The following ZNF577 variants were observed in gnomAD, a reference collection of about 807,000 sequenced individuals.
ZNF577 encodes the protein zinc finger protein 577.
In ZNF577, 14 loss-of-function variants were observed where a neutral mutation model predicts 13.9. The ratio of observed to expected loss-of-function variants is 1.00; its 90% CI spans 0.66 to 1.57. The LOEUF (loss-of-function observed/expected upper bound fraction) is 1.57, where lower values mean the gene tolerates loss of function less well. Ranked by LOEUF, ZNF577 falls within the 40% of genes most tolerant of loss-of-function variation. ZNF577 has a pLI of 0.00. For missense variants in ZNF577, 555 were observed against 579.2 expected, an observed-to-expected ratio of 0.96 and a Z score of 0.43; for synonymous variants, 203 against 202.9, an observed-to-expected ratio of 1.00 and a Z score of 0.00.
At chr19:51,812,227 A>G (rs2084102193) in intron 9 of ZNF577, among the ~76,000 whole-genome samples, 1 of 152,226 alleles carries the variant, frequency 6.6e-6, no homozygotes, top group African/African-American at 2.4e-5. Context: ...GATAGTTAAT[A>G]TGGCCCAACG....
At chr19:51,841,178 G>C (rs543137129) in intron 8 of ZNF577, among the ~76,000 whole-genome samples, 5 of 152,282 alleles carry the variant, frequency 3.3e-5, no homozygotes, top group East Asian at 3.9e-4. Flanking sequence ...CACTTTCCGC[G>C]GGAATCGCCT....
Position 51,831,806 on chromosome 19 carries a change from T to C in ZNF577, c.*599+8087A>G, listed in dbSNP as rs1329973416. Among the ~76,000 whole-genome samples the C allele has an allele frequency of 4.6e-5, 7 of 152,358 alleles. No homozygotes were observed. In the East Asian group the frequency reaches 5.8e-4, roughly 13 times the overall value. Reference sequence around the variant, plus strand: ...TTCTTTCATCGATTATGTTAGTAATTACACTAGTAATATCTTTATTTCTCA... The same window carrying C: ...TTCTTTCATCGATTATGTTAGTAATCACACTAGTAATATCTTTATTTCTCA... On this transcript the variant is annotated intron_variant and NMD_transcript_variant, in intron 9 of 10. Transcript: ENST00000638827.
At position 51,883,113 on chromosome 19, in the gene ZNF577, C is replaced by T. The variant is rs375840722; in HGVS notation, c.-218-2236G>A. ...GGTTCAAGCAATTCTCTGCCTCAGC[C>T]TCCTGAGTAGTTGGGATTACAGGTG... On this transcript the variant is annotated intron_variant, in intron 1 of 5. Coordinates refer to ENST00000638348, the MANE Select transcript of ZNF577 (RefSeq NM_001370449.1). Among the ~76,000 whole-genome samples, 44 of 151,952 alleles carry T rather than the reference C, an allele frequency of 2.9e-4. 1 individual carries two copies. The South Asian group carries it at 5.2e-3, about 18-fold the overall frequency.
rs1032417115 is a variant in ZNF577 at position 51,822,602 on chromosome 19, TACAA to T, written c.*600-10932_*600-10929del. On this transcript the variant is annotated intron_variant and NMD_transcript_variant, in intron 9 of 10. Transcript: ENST00000638827. Reference sequence around the variant, plus strand: ...AACATTGAGTCATTCCTGTGGAAACTACAAACAATGAATATTACAGAGCTACTAT... The same window carrying T: ...AACATTGAGTCATTCCTGTGGAAACTACAATGAATATTACAGAGCTACTAT... 4.6e-5 allele frequency among the ~76,000 whole-genome samples: 7 copies of T among 152,330 alleles called. No homozygotes were observed. The East Asian group carries it at 5.8e-4, about 13-fold the overall frequency.
intron 9 of ZNF577, among the ~76,000 whole-genome samples, chr19:51,822,544 C>T (rs1399397665): frequency 6.6e-6 from 1 of 152,184 alleles, no homozygotes; most frequent in Non-Finnish European, 1.5e-5. Context: ...CTGTTTCCTA[C>T]TTAAGTGACC....
Position 51,872,509 on chromosome 19 carries a change from C to T in ZNF577, c.*23G>A, listed in dbSNP as rs2084674783. 3 of 1,507,468 alleles carry T rather than the reference C, an allele frequency of 2.0e-6. No individual in the cohort carries two copies. Among genetic ancestry groups the T allele is most frequent in the Admixed American group, 4.4e-5 (2 of 45,108 alleles). 93.4% of individuals were successfully genotyped at this position (1,507,468 alleles called of 1,614,324 possible). A position where few individuals can be genotyped will look rare whatever the true frequency, so the allele number is the denominator to read the frequency against. On this transcript the variant is annotated 3_prime_UTR_variant, in exon 6 of 6. Coordinates refer to ENST00000638348, the MANE Select transcript of ZNF577 (RefSeq NM_001370449.1). ...TGGAGGATTCCTACTAAAGATTTTC[C>T]CACCTTTCTGGTATCAGAAGATTTA...
intron 5 of ZNF577, among the ~76,000 whole-genome samples, chr19:51,856,377 C>T (rs1364289300): frequency 6.6e-6 from 1 of 152,100 alleles, no homozygotes; most frequent in Non-Finnish European, 1.5e-5. Context: ...GTTAAAAATT[C>T]GAATATGTCC....
At chr19:51,811,717 A>C (rs1306921720) in intron 9 of ZNF577, 3 of 152,248 alleles carry the variant, frequency 2.0e-5, no homozygotes, top group Admixed American at 2.0e-4. Context: ...GACAAGAGAC[A>C]AAAGAGTATC....
rs138756844 is a variant in ZNF577 at position 51,873,630 on chromosome 19, A to G, written c.360T>C (p.His120=). The change falls in exon 6 of 6, where the codon CAT becomes CAC. Residue 120 remains histidine, a synonymous_variant. Transcript: ENST00000638348. The part of the protein sequence containing the change: ...AFGGYGRSCL[H]IKRDKTLTGV... ...CAGTAAGAGTTTTGTCACGCTTGAT[A>G]TGGAGGCATGATCTCCCATATCCAC... 42 of 1,614,050 alleles carry G rather than the reference A, an allele frequency of 2.6e-5. No individual in the cohort carries two copies. The African/African-American group carries it at 4.7e-4, about 18-fold the overall frequency.
rs1184365910 is a variant in ZNF577 at position 51,868,660 on chromosome 19, C to G, written c.*3872G>C. On this transcript the variant is annotated 3_prime_UTR_variant, in exon 6 of 6. Coordinates refer to ENST00000638348, the MANE Select transcript of ZNF577 (RefSeq NM_001370449.1). Reference sequence around the variant, plus strand: ...CAAGCACCGGCTAAGGTTCTGACTACTACCGTCTTCAACTGCCTTGAACAC... The same window carrying G: ...CAAGCACCGGCTAAGGTTCTGACTAGTACCGTCTTCAACTGCCTTGAACAC... Among the ~76,000 whole-genome samples, 8 of 152,190 alleles carry G rather than the reference C, an allele frequency of 5.3e-5. No individual in the cohort carries two copies. The East Asian group carries it at 1.4e-3, about 26-fold the overall frequency.
chr19:51,837,474 G>A (rs2084294411), intron 9 of ZNF577, among the ~76,000 whole-genome samples: 1 of 152,114 alleles, frequency 6.6e-6, no homozygotes, highest in Non-Finnish European at 1.5e-5. Flanking sequence ...GCAAATGGCT[G>A]GTAGGTTCTA....
At chr19:51,839,429 CACACACATACCCAT>C (rs1288899609) in intron 9 of ZNF577, among the ~76,000 whole-genome samples, 1 of 152,078 alleles carries the variant, frequency 6.6e-6, no homozygotes, top group African/African-American at 2.4e-5. Flanking sequence ...GAAGAAATTA[CACACACATACCCAT>C]ACACATATAC....
chr19:51,882,321 G>A (rs964131221), intron 1 of ZNF577, among the ~76,000 whole-genome samples: 4 of 150,268 alleles, frequency 2.7e-5, no homozygotes, highest in East Asian at 2.0e-4. Context: ...CAATGTAACC[G>A]AGAAGGGCAA....
intron 4 of ZNF577, chr19:51,878,021 T>C: frequency 6.2e-6 from 1 of 162,448 alleles, no homozygotes; most frequent in South Asian, 1.7e-4. Context: ...AGACAGACAC[T>C]ATATAATTCC....
chr19:51,828,633 C>CT (rs2084244092), intron 9 of ZNF577, among the ~76,000 whole-genome samples: 1 of 152,048 alleles, frequency 6.6e-6, no homozygotes, highest in Non-Finnish European at 1.5e-5. Flanking sequence ...ATTGTGGGTT[C>CT]AGGAAACTGA....
intron 9 of ZNF577, among the ~76,000 whole-genome samples, chr19:51,835,883 G>C (rs2084285200): frequency 6.6e-6 from 1 of 152,112 alleles, no homozygotes; most frequent in Non-Finnish European, 1.5e-5. Context: ...AGTAGAGATG[G>C]GGTTTCACCA....
At chr19:51,817,387 T>C (rs1420971545) in intron 9 of ZNF577, among the ~76,000 whole-genome samples, 1 of 151,748 alleles carries the variant, frequency 6.6e-6, no homozygotes, top group Non-Finnish European at 1.5e-5. Flanking sequence ...CAAGAAATCA[T>C]AAAGAGAGAG....
rs536068649 is a variant in ZNF577, at chr19:51,844,823, G to A, written c.*89C>T. On this transcript the variant is annotated 3_prime_UTR_variant and NMD_transcript_variant, in exon 6 of 11. Coordinates refer to the ZNF577 transcript ENST00000638827. ...AGTACTTTTAGTATCTGTTTGTCCT[G>A]CAATTCTGATAATGTCTCATCAAGG... is the stretch of plus-strand genomic sequence containing the variant. 7 of 152,266 alleles carry A rather than the reference G, an allele frequency of 4.6e-5. No homozygotes were observed. In the South Asian group the frequency reaches 1.0e-3, roughly 23 times the overall value. The allele number at this position is 152,266 out of a possible 1,614,324, so 9.4% of individuals were successfully genotyped here.
intron 9 of ZNF577, among the ~76,000 whole-genome samples, chr19:51,834,687 A>C (rs2084279429): frequency 7.7e-6 from 1 of 129,138 alleles, no homozygotes; most frequent in Admixed American, 7.9e-5. Flanking sequence ...CAGTGTGCAC[A>C]CGATTTTTTT....
Sources: allele counts gnomAD v4.1 joint callset (sites outside exome capture counted in the v4.1 genomes callset), GRCh38; gene constraint gnomAD v4.1.1; transcripts MANE v1.5; gene names NCBI Gene and HGNC (gene_info 2026-07-23, HGNC 2026-07-21).